The following NFIB variants were observed in gnomAD, a reference collection of about 807,000 sequenced individuals.
The protein encoded by NFIB is nuclear factor 1 B-type.
In NFIB, 11 loss-of-function variants were observed where a neutral mutation model predicts 61.5. That is an observed-to-expected ratio of 0.18 (90% CI 0.11 to 0.30). The LOEUF is 0.30. Among genes scored for constraint, NFIB ranks in the 10% least tolerant of loss-of-function variants. NFIB has a pLI of 1.00. For missense variants in NFIB, 471 were observed against 608.9 expected, an observed-to-expected ratio of 0.77 and a Z score of 2.38; for synonymous variants, 260 against 216.5, an observed-to-expected ratio of 1.20 and a Z score of -1.76.
chr9:14,404,590 G>A, the NFIB span, among the ~76,000 whole-genome samples: 1 of 152,126 alleles, frequency 6.6e-6, no homozygotes, highest in Non-Finnish European at 1.5e-5. Flanking sequence ...TATGAGTTAC[G>A]ATTGAGGGCA....
At chr9:14,179,863 T>C in intron 2 of NFIB, 83 bp from the exon 3 acceptor site, 1 of 1,359,442 alleles carries the variant, frequency 7.4e-7, no homozygotes, top group Non-Finnish European at 1.0e-6. Flanking sequence ...GAAAAAAAAA[T>C]TTGAAGGTAT....
At chr9:14,385,180 G>C (rs1264079130) in intron 1 of NFIB, among the ~76,000 whole-genome samples, 2 of 152,250 alleles carry the variant, frequency 1.3e-5, no homozygotes, top group South Asian at 4.1e-4. Flanking sequence ...TCCTGTGGGG[G>C]TTTGTGTCAT....
intron 6 of NFIB, among the ~76,000 whole-genome samples, chr9:14,146,418 G>A (rs983029073): frequency 5.3e-5 from 8 of 152,098 alleles, no homozygotes; most frequent in Non-Finnish European, 1.0e-4. Context: ...AATGTAGACA[G>A]ACCATAATCA....
chr9:14,528,961 G>T, the NFIB span, among the ~76,000 whole-genome samples: 1 of 152,066 alleles, frequency 6.6e-6, no homozygotes, highest in Non-Finnish European at 1.5e-5. Flanking sequence ...GCCAAGCAAC[G>T]GTAATTTAAA....
chr9:14,518,865 G>A, the NFIB span, among the ~76,000 whole-genome samples: 1 of 152,040 alleles, frequency 6.6e-6, no homozygotes, highest in Non-Finnish European at 1.5e-5. Context: ...CTCTGGATCG[G>A]AGCAGTGGAG....
the NFIB span, among the ~76,000 whole-genome samples, chr9:14,406,609 G>C: frequency 6.6e-6 from 1 of 152,216 alleles, no homozygotes; most frequent in Non-Finnish European, 1.5e-5. Context: ...AGACAAGCTA[G>C]CTGTTCCTCT....
intron 1 of NFIB, among the ~76,000 whole-genome samples, chr9:14,310,888 G>A (rs970103405): frequency 2.6e-5 from 4 of 152,026 alleles, no homozygotes; most frequent in African/African-American, 9.7e-5. Flanking sequence ...GGATAATTTA[G>A]ACCAACATAG....
chr9:14,493,542 T>C, the NFIB span, among the ~76,000 whole-genome samples: 5 of 152,342 alleles, frequency 3.3e-5, no homozygotes, highest in African/African-American at 1.2e-4. Context: ...AAGACTTTAT[T>C]AGATTATGAA....
chr9:14,434,200 G>T, the NFIB span, among the ~76,000 whole-genome samples: 1 of 152,166 alleles, frequency 6.6e-6, no homozygotes. Context: ...AATGAGCATT[G>T]TCTTCTGGGC....
At chr9:14,427,937 G>GTTTTTTT in the NFIB span, among the ~76,000 whole-genome samples, 1,253 of 43,352 alleles carry the variant, frequency 0.029, 464 homozygotes, top group Middle Eastern at 0.12. Context: ...TAATTCAGTT[G>GTTTTTTT]TTTTTTTTTT....
chr9:14,364,396 A>G (rs1385611413), intron 1 of NFIB, among the ~76,000 whole-genome samples: 2 of 152,210 alleles, frequency 1.3e-5, no homozygotes, highest in Non-Finnish European at 2.9e-5. Flanking sequence ...CCAGACAGAC[A>G]TCTAGTTAAT....
chr9:14,527,173 A>G, the NFIB span, among the ~76,000 whole-genome samples: 3 of 152,180 alleles, frequency 2.0e-5, no homozygotes, highest in Admixed American at 6.6e-5. Context: ...AACACTAAAG[A>G]ACATAGGTAA....
At chr9:14,428,791 C>G in the NFIB span, among the ~76,000 whole-genome samples, 1 of 152,164 alleles carries the variant, frequency 6.6e-6, no homozygotes, top group African/African-American at 2.4e-5. Flanking sequence ...GTCTGGTCCT[C>G]TGATCTTGAT....
At chr9:14,268,194 T>G (rs910020559) in intron 2 of NFIB, among the ~76,000 whole-genome samples, 6 of 152,070 alleles carry the variant, frequency 3.9e-5, no homozygotes, top group Non-Finnish European at 8.8e-5. Context: ...ACATGAAAAT[T>G]TAAAAGCCTG....
At chr9:14,289,464 G>C (rs1336133426) in intron 2 of NFIB, among the ~76,000 whole-genome samples, 1 of 151,342 alleles carries the variant, frequency 6.6e-6, no homozygotes, top group Non-Finnish European at 1.5e-5. Context: ...CACAAACTAG[G>C]TTCAATATAT....
chr9:14,421,011 C>G, the NFIB span, among the ~76,000 whole-genome samples: 2 of 146,242 alleles, frequency 1.4e-5, no homozygotes, highest in Non-Finnish European at 3.0e-5. Context: ...GCATTGGTTT[C>G]TTTTTCACAT....
chr9:14,258,298 T>G (rs1184581633), intron 2 of NFIB, among the ~76,000 whole-genome samples: 4 of 152,258 alleles, frequency 2.6e-5, no homozygotes, highest in Admixed American at 2.6e-4. Flanking sequence ...TTCAGGATTA[T>G]GCTGAATAAT....
chr9:14,269,660 G>A (rs2057458120), intron 2 of NFIB, among the ~76,000 whole-genome samples: 1 of 152,268 alleles, frequency 6.6e-6, no homozygotes, highest in East Asian at 1.9e-4. Flanking sequence ...CCAACCCTCA[G>A]TACAATTCAC....
intron 10 of NFIB, among the ~76,000 whole-genome samples, chr9:14,107,590 A>AT (rs1458460472): frequency 2.0e-5 from 3 of 152,092 alleles, no homozygotes; most frequent in African/African-American, 4.8e-5. Flanking sequence ...TTTGGAGCTT[A>AT]TGTAGTTCAA....
Sources: allele counts gnomAD v4.1 joint callset (sites outside exome capture counted in the v4.1 genomes callset), GRCh38; gene constraint gnomAD v4.1.1; transcripts MANE v1.5; gene names NCBI Gene and HGNC (gene_info 2026-07-23, HGNC 2026-07-21).